PPP1R37: variants seen among roughly 807,000 people sequenced by gnomAD.
PPP1R37 encodes protein phosphatase 1 regulatory subunit 37, also known as leucine rich repeat containing 68.
A neutral mutation model predicts 61.0 loss-of-function variants in PPP1R37; 21 were observed. That is an observed-to-expected ratio of 0.34 (90% CI 0.24 to 0.50). The LOEUF is 0.50. Ranked by LOEUF, PPP1R37 falls within the 20% of genes least tolerant of loss-of-function variation. The pLI is 0.98. For missense variants in PPP1R37, 910 were observed against 952.7 expected (o/e 0.96, Z 0.59); for synonymous variants, 443 against 433.5 (o/e 1.02, Z -0.27).
At chr19:45,122,833 C>T (rs1199289048) in intron 1 of PPP1R37, among the ~76,000 whole-genome samples, 1 of 152,120 alleles carries the variant, frequency 6.6e-6, no homozygotes, top group Non-Finnish European at 1.5e-5. Context: ...ATGCAGCTCT[C>T]CCATGTGCAT....
Position 45,138,905 on chromosome 19 carries a change from CTTTTTT to C in PPP1R37, c.300+314_300+319del, listed in dbSNP as rs34081163. On this transcript the variant is annotated intron_variant, in intron 2 of 12. Transcript: ENST00000221462. ...GTCTGAATTACAAAATTTATGTATT[CTTTTTT>C]TTTTTTTTTTTTTTTTTTTGAGATG... is the stretch of plus-strand genomic sequence containing the variant. 2.4e-3 allele frequency among the ~76,000 whole-genome samples: 173 copies of C among 73,058 alleles called. 1 individual carries two copies. Among genetic ancestry groups the C allele is most frequent in the African/African-American group, 7.9e-3 (148 of 18,684 alleles). The allele number at this position is 73,058 out of a possible 152,430, so 47.9% of individuals were successfully genotyped here.
At chr19:45,132,345 G>A (rs1271457536) in intron 1 of PPP1R37, among the ~76,000 whole-genome samples, 1 of 151,694 alleles carries the variant, frequency 6.6e-6, no homozygotes, top group Admixed American at 6.6e-5. Context: ...TCACTCTATT[G>A]CCCAGGCTGG....
rs751407452 is a variant in PPP1R37, at chr19:45,140,558, G to A, written c.399G>A (p.Arg133=). 6.5e-7 allele frequency: 1 copy of A among 1,536,118 alleles called. No individual in the cohort carries two copies. Among genetic ancestry groups the A allele is most frequent in the Non-Finnish European group, 8.7e-7 (1 of 1,146,904 alleles). ...TCEALEEVFK[R]LQFKVVDLEQ... ...AGGCCCTGGAAGAGGTCTTCAAGAG[G>A]CTGCAGTTCAAGGTCGTGGACCTGG... The change falls in exon 4 of 13, where the codon AGG becomes AGA. Residue 133 remains arginine, a synonymous_variant. Transcript: ENST00000221462.
At chr19:45,125,937 T>C (rs1968398948) in intron 1 of PPP1R37, among the ~76,000 whole-genome samples, 1 of 152,210 alleles carries the variant, frequency 6.6e-6, no homozygotes, top group Non-Finnish European at 1.5e-5. Flanking sequence ...CTGAAATCTC[T>C]ACTTGTGGGG....
At chr19:45,132,317 T>A (rs1020071470) in intron 1 of PPP1R37, among the ~76,000 whole-genome samples, 4 of 150,960 alleles carry the variant, frequency 2.6e-5, no homozygotes, top group Admixed American at 2.0e-4. Flanking sequence ...TTTCTTTTCT[T>A]TTTTTTTTAA....
At chr19:45,102,649 T>C (rs1205182466) in intron 1 of PPP1R37, among the ~76,000 whole-genome samples, 1 of 152,226 alleles carries the variant, frequency 6.6e-6, no homozygotes, top group Non-Finnish European at 1.5e-5. Flanking sequence ...TTTCGGCTCC[T>C]CCACACTTGG....
intron 2 of PPP1R37, among the ~76,000 whole-genome samples, chr19:45,139,537 G>A (rs1356814183): frequency 6.7e-6 from 1 of 150,080 alleles, no homozygotes. Flanking sequence ...AGGGTTCCAG[G>A]GTTGCCTGTC....
chr19:45,138,283 A>T (rs754114314), intron 1 of PPP1R37, among the ~76,000 whole-genome samples: 36 of 151,978 alleles, frequency 2.4e-4, no homozygotes, highest in Non-Finnish European at 4.4e-4. Context: ...CTTGGAGCGG[A>T]GGTGAGGCGT....
At position 45,145,450 on chromosome 19, in the gene PPP1R37, A is replaced by G; in HGVS notation, c.1394A>G (p.Glu465Gly). The G allele has an allele frequency of 6.5e-7, 1 of 1,535,160 alleles. No homozygotes were observed. The highest frequency in any genetic ancestry group is 8.7e-7 in the Non-Finnish European group (1 of 1,146,594). The change falls in exon 11 of 13, where the codon GAG becomes GGG. Residue 465 changes from glutamate to glycine, a missense_variant. Physicochemically the swap from Glu to Gly is moderately conservative, Grantham distance 98 (BLOSUM62 -2). Coordinates refer to ENST00000221462, the MANE Select transcript of PPP1R37 (RefSeq NM_019121.2). Reference sequence around the variant, plus strand: ...CTGGCGCGGGAGAGGGAGGAGAAGGAGCAGCCGCCACAGCTGTCGGCCTCC... The same window carrying G: ...CTGGCGCGGGAGAGGGAGGAGAAGGGGCAGCCGCCACAGCTGTCGGCCTCC... Reference protein sequence around the residue: ...LVLAREREEKEQPPQLSASMP... With the variant: ...LVLAREREEKGQPPQLSASMP...
At chr19:45,114,352 C>T (rs1968237801) in intron 1 of PPP1R37, among the ~76,000 whole-genome samples, 1 of 152,242 alleles carries the variant, frequency 6.6e-6, no homozygotes, top group Non-Finnish European at 1.5e-5. Context: ...ACTCCTTGTT[C>T]CTCTTTCTCT....
At chr19:45,113,196 G>C (rs1968223445) in intron 1 of PPP1R37, among the ~76,000 whole-genome samples, 1 of 152,222 alleles carries the variant, frequency 6.6e-6, no homozygotes. Flanking sequence ...TTTCTGAAGA[G>C]GGTGAGGGCA....
At chr19:45,128,061 C>T (rs1968431285) in intron 1 of PPP1R37, among the ~76,000 whole-genome samples, 2 of 151,496 alleles carry the variant, frequency 1.3e-5, no homozygotes, top group South Asian at 4.2e-4. Flanking sequence ...CGAAATACCA[C>T]ATGTACCCCA....
rs1333865014 is a variant in PPP1R37, at chr19:45,130,758, G to A, written c.203-7756G>A. Reference sequence around the variant, plus strand: ...CTGACTCTGGTGCTCTGTGAACCTGGCTCGCAGACGTCCCGATTTCATGTG... The same window carrying A: ...CTGACTCTGGTGCTCTGTGAACCTGACTCGCAGACGTCCCGATTTCATGTG... On this transcript the variant is annotated intron_variant, in intron 1 of 12. Transcript: ENST00000221462. This position sits in a 1 kb window ranked among gnomAD's most constrained non-coding sequence, Gnocchi z 4.4. Among the ~76,000 whole-genome samples the A allele has an allele frequency of 2.0e-5, 3 of 152,174 alleles. No homozygotes were observed. The highest frequency in any genetic ancestry group is 6.5e-5 in the Admixed American group (1 of 15,280).
chr19:45,144,624 T>TGGGGAGCTGGGAGTGGACG, intron 8 of PPP1R37: 1 of 532,212 alleles, frequency 1.9e-6, no homozygotes, highest in Non-Finnish European at 3.3e-6. Flanking sequence ...ACTGGGTGCC[T>TGGGGAGCTGGGAGTGGACG]GGGGAGCTGG....
At chr19:45,143,797 G>A (rs1414285332) in intron 8 of PPP1R37, 164 bp downstream of exon 8, 1 of 526,754 alleles carries the variant, frequency 1.9e-6, no homozygotes. Context: ...CAGCTTCTGT[G>A]CCTGTTTTCC....
At chr19:45,096,991 A>C (rs1968001045) in intron 1 of PPP1R37, among the ~76,000 whole-genome samples, 1 of 151,956 alleles carries the variant, frequency 6.6e-6, no homozygotes, top group Non-Finnish European at 1.5e-5. Flanking sequence ...AGGGCCTGGG[A>C]ACAGCAAGGA....
In PPP1R37 at chr19:45,098,089, G is replaced by T. The variant is rs538677282; in HGVS notation, c.202+4562G>T. ...GATAGGGTGAACCTGCTGGGGGCAG[G>T]TCTCCTCAGCAAGCCACAGCCAGGT... On this transcript the variant is annotated intron_variant, in intron 1 of 12. Coordinates refer to ENST00000221462, the MANE Select transcript of PPP1R37 (RefSeq NM_019121.2). 2.6e-5 allele frequency among the ~76,000 whole-genome samples: 4 copies of T among 152,346 alleles called. No individual in the cohort carries two copies. The South Asian group carries it at 6.2e-4, about 24-fold the overall frequency.
Position 45,130,403 on chromosome 19 carries a change from A to T in PPP1R37, c.203-8111A>T, listed in dbSNP as rs1013212306. Among the ~76,000 whole-genome samples, 1 of 152,100 alleles carries T rather than the reference A, an allele frequency of 6.6e-6. No homozygotes were observed. On this transcript the variant is annotated intron_variant, in intron 1 of 12. Transcript: ENST00000221462. The surrounding 1 kb of genome is among the most constrained non-coding windows in gnomAD (Gnocchi z 4.4). ...CCAGGGTCCACGGGGTCACCGTCCCACATCATCCCCAGTGCTCCCCTCCCG... is the reference window on the plus strand; with the variant it reads ...CCAGGGTCCACGGGGTCACCGTCCCTCATCATCCCCAGTGCTCCCCTCCCG...
Position 45,140,573 on chromosome 19 carries a change from C to T in PPP1R37, c.414C>T (p.Val138=), listed in dbSNP as rs751904264. ...TCTTCAAGAGGCTGCAGTTCAAGGT[C>T]GTGGACCTGGAGCAGACAAACCTGG... The part of the protein sequence containing the change: ...EEVFKRLQFK[V]VDLEQTNLDE... The change falls in exon 4 of 13, where the codon GTC becomes GTT. Residue 138 remains valine, a synonymous_variant. Coordinates refer to ENST00000221462, the MANE Select transcript of PPP1R37 (RefSeq NM_019121.2). 9.6e-5 allele frequency: 147 copies of T among 1,536,044 alleles called. 1 individual carries two copies. In the Middle Eastern group the frequency reaches 4.8e-3, roughly 51 times the overall value.
Sources: gnomAD v4.1 joint callset for allele counts (sites outside exome capture counted in the v4.1 genomes callset) on GRCh38, gnomAD v4.1.1 for gene constraint, Gnocchi (gnomAD v3.1) non-coding constraint, MANE v1.5 for transcripts, NCBI Gene and HGNC (gene_info 2026-07-23, HGNC 2026-07-21) for gene names.